THEMIS: variants seen among roughly 807,000 people sequenced by gnomAD.
THEMIS encodes thymocyte selection associated.
THEMIS carries 37 observed loss-of-function variants against 52.6 expected under a neutral mutation model. The observed-to-expected ratio is 0.70, with a 90% CI of 0.54 to 0.93. THEMIS has a LOEUF of 0.93. Ranked by LOEUF, THEMIS falls within the 40% of genes least tolerant of loss-of-function variation. The pLI, the probability that THEMIS is intolerant of heterozygous loss-of-function variation, is 0.00. For synonymous variants in THEMIS, 292 were observed against 272.7 expected (o/e 1.07, Z -0.70); for missense variants, 808 against 763.1 (o/e 1.06, Z -0.69).
At chr6:127,821,119 G>A (rs533574031) in intron 3 of THEMIS, among the ~76,000 whole-genome samples, 4 of 151,420 alleles carry the variant, frequency 2.6e-5, no homozygotes, top group South Asian at 2.1e-4. Context: ...AGACAACAAC[G>A]GCTTATATTG....
chr6:127,768,782 C>T (rs530105031), intron 4 of THEMIS, among the ~76,000 whole-genome samples: 2 of 152,208 alleles, frequency 1.3e-5, no homozygotes, highest in East Asian at 3.9e-4. Context: ...GTGCAGTTAC[C>T]TCGATGTAGC....
At chr6:127,727,135 AC>A (rs1244542421) in intron 4 of THEMIS, among the ~76,000 whole-genome samples, 16 of 152,178 alleles carry the variant, frequency 1.1e-4, no homozygotes, top group African/African-American at 3.9e-4. Context: ...TGTAATGCAC[AC>A]TGGAGTAGCT....
chr6:127,849,938 G>A (rs1779363508), intron 2 of THEMIS, among the ~76,000 whole-genome samples: 1 of 152,084 alleles, frequency 6.6e-6, no homozygotes, highest in African/African-American at 2.4e-5. Flanking sequence ...ATAAGCAGCA[G>A]AGTAAACAGA....
chr6:127,748,030 A>G (rs2114320713), intron 4 of THEMIS, among the ~76,000 whole-genome samples: 1 of 152,284 alleles, frequency 6.6e-6, no homozygotes, highest in Non-Finnish European at 1.5e-5. Flanking sequence ...TTATGAAGAT[A>G]GCACATGCAA....
intron 1 of THEMIS, among the ~76,000 whole-genome samples, chr6:127,895,051 T>C (rs1446438421): frequency 1.3e-5 from 2 of 150,124 alleles, no homozygotes; most frequent in Non-Finnish European, 1.5e-5. Context: ...CCTCCAACAT[T>C]TGAAAAATCT....
At chr6:127,772,198 G>T (rs1003886146) in intron 4 of THEMIS, among the ~76,000 whole-genome samples, 6 of 147,814 alleles carry the variant, frequency 4.1e-5, no homozygotes, top group East Asian at 2.0e-4. Flanking sequence ...TGCACATATG[G>T]TTTTTTTTTT....
At chr6:127,864,955 T>C (rs147107190) in intron 1 of THEMIS, among the ~76,000 whole-genome samples, 5 of 152,266 alleles carry the variant, frequency 3.3e-5, no homozygotes, top group East Asian at 1.9e-4. Flanking sequence ...AGGTTTCCAA[T>C]TGTCCTCTCC....
chr6:127,742,033 G>A (rs1775219718), intron 4 of THEMIS, among the ~76,000 whole-genome samples: 1 of 152,140 alleles, frequency 6.6e-6, no homozygotes, highest in African/African-American at 2.4e-5. Flanking sequence ...TCACCAGGCT[G>A]AGTATGGTGG....
chr6:127,699,513 A>T, the THEMIS span, among the ~76,000 whole-genome samples: 4 of 150,384 alleles, frequency 2.7e-5, no homozygotes, highest in East Asian at 7.8e-4. Flanking sequence ...TCCACTAAAC[A>T]TTCCCCACTC....
intron 4 of THEMIS, among the ~76,000 whole-genome samples, chr6:127,761,912 A>G (rs1311334783): frequency 6.6e-6 from 1 of 152,150 alleles, no homozygotes; most frequent in Non-Finnish European, 1.5e-5. Context: ...TTTTTTATCC[A>G]AAAGAACTGA....
upstream of THEMIS, chr6:127,901,149 T>A (rs899066745): frequency 1.6e-5 from 9 of 577,220 alleles, no homozygotes; most frequent in East Asian, 2.6e-4. Flanking sequence ...GCTCTTTTTG[T>A]TCACATTGTG....
chr6:127,795,355 G>T (rs1051553932), intron 4 of THEMIS, among the ~76,000 whole-genome samples: 2 of 152,124 alleles, frequency 1.3e-5, no homozygotes, highest in African/African-American at 2.4e-5. Flanking sequence ...TTGAGATGGA[G>T]TCTTGCTCTG....
chr6:127,836,460 C>T (rs550523446), intron 2 of THEMIS, among the ~76,000 whole-genome samples: 49 of 152,084 alleles, frequency 3.2e-4, no homozygotes, highest in African/African-American at 1.2e-3. Flanking sequence ...TTTTATCATG[C>T]AGTGTTCAAA....
intron 1 of THEMIS, among the ~76,000 whole-genome samples, chr6:127,915,336 C>T (rs1225832569): frequency 6.6e-6 from 1 of 152,118 alleles, no homozygotes; most frequent in Non-Finnish European, 1.5e-5. Flanking sequence ...TAATTATGGG[C>T]TAAAATTGGA....
chr6:127,902,336 A>AAAT (rs1554248894), upstream of THEMIS, among the ~76,000 whole-genome samples: 2 of 150,136 alleles, frequency 1.3e-5, no homozygotes, highest in Admixed American at 1.3e-4. Flanking sequence ...AAAAAAAAAA[A>AAAT]AAAAAAAAAT....
chr6:127,878,006 C>A (rs1780366436), intron 1 of THEMIS, among the ~76,000 whole-genome samples: 1 of 152,192 alleles, frequency 6.6e-6, no homozygotes, highest in Non-Finnish European at 1.5e-5. Flanking sequence ...AGGGTGGCTA[C>A]ACAACATGCA....
At chr6:127,811,824 A>G (rs1777916758) in intron 4 of THEMIS, among the ~76,000 whole-genome samples, 1 of 152,144 alleles carries the variant, frequency 6.6e-6, no homozygotes, top group African/African-American at 2.4e-5. Context: ...TATTATATCA[A>G]ATGACTCTTT....
chr6:127,916,557 G>T (rs1182245539), intron 1 of THEMIS, among the ~76,000 whole-genome samples: 3 of 152,166 alleles, frequency 2.0e-5, no homozygotes, highest in African/African-American at 7.2e-5. Context: ...TATCCTTTCT[G>T]TGGGAAACTT....
upstream of THEMIS, among the ~76,000 whole-genome samples, chr6:127,903,106 T>G (rs1781185851): frequency 6.6e-6 from 1 of 152,074 alleles, no homozygotes. Context: ...CCGGAAGGCT[T>G]AGAATCATGT....
Sources: gnomAD v4.1 joint callset for allele counts (sites outside exome capture counted in the v4.1 genomes callset) on GRCh38, gnomAD v4.1.1 for gene constraint, MANE v1.5 for transcripts, NCBI Gene and HGNC (gene_info 2026-07-23, HGNC 2026-07-21) for gene names.